Variants in SEMA5A observed in about 807,000 individuals in gnomAD.
SEMA5A encodes semaphorin-5A.
A neutral mutation model predicts 135.5 loss-of-function variants in SEMA5A; 55 were observed. That is an observed-to-expected ratio of 0.41 (90% CI 0.33 to 0.51). SEMA5A has a LOEUF of 0.51. SEMA5A is among the 20% of genes least tolerant of loss of function. SEMA5A has a pLI of 0.37. For synonymous variants in SEMA5A, 580 were observed against 546.5 expected (o/e 1.06, Z -0.85); for missense variants, 1,290 against 1,419.9 (o/e 0.91, Z 1.47).
At chr5:9,466,468 G>T (rs1287911490) in intron 1 of SEMA5A, among the ~76,000 whole-genome samples, 1 of 151,928 alleles carries the variant, frequency 6.6e-6, no homozygotes, top group East Asian at 1.9e-4. Context: ...TGGGAAAGAA[G>T]GGCTATTGAA....
At chr5:9,357,234 A>T (rs1754489286) in intron 3 of SEMA5A, among the ~76,000 whole-genome samples, 1 of 152,208 alleles carries the variant, frequency 6.6e-6, no homozygotes, top group African/African-American at 2.4e-5. Flanking sequence ...ATTTAATGCC[A>T]TACAGAGATT....
chr5:9,497,543 G>A (rs564463580), intron 1 of SEMA5A, among the ~76,000 whole-genome samples: 18 of 152,146 alleles, frequency 1.2e-4, no homozygotes, highest in Non-Finnish European at 1.9e-4. Flanking sequence ...ATACTCTGGC[G>A]CAGGCACTTG....
At chr5:9,362,015 A>G (rs760425194) in intron 3 of SEMA5A, among the ~76,000 whole-genome samples, 7 of 152,176 alleles carry the variant, frequency 4.6e-5, no homozygotes, top group Non-Finnish European at 8.8e-5. Flanking sequence ...ACCTCGTGGG[A>G]ACCTAGAAAG....
chr5:9,245,176 A>G (rs1253176833), intron 5 of SEMA5A, among the ~76,000 whole-genome samples: 1 of 152,198 alleles, frequency 6.6e-6, no homozygotes, highest in African/African-American at 2.4e-5. Context: ...TGAAATCTCA[A>G]GCCACCCTGC....
chr5:9,171,630 AG>A (rs1743927348), intron 11 of SEMA5A, among the ~76,000 whole-genome samples: 1 of 152,188 alleles, frequency 6.6e-6, no homozygotes, highest in African/African-American at 2.4e-5. Context: ...GAGGAATCTC[AG>A]GCCAGTTCTT....
chr5:9,379,718 C>T lies in SEMA5A; in HGVS notation c.124+105G>A, dbSNP rs2126477673. 2.3e-6 allele frequency: 3 copies of T among 1,329,974 alleles called. No individual in the cohort carries two copies. The South Asian group carries it at 4.7e-5, about 21-fold the overall frequency. The allele number at this position is 1,329,974 out of a possible 1,614,324, so 82.4% of individuals were successfully genotyped here. A position where few individuals can be genotyped will look rare whatever the true frequency, so the allele number is the denominator to read the frequency against. ...TTTTAAACTGTGTCTGAAACAAGAG[C>T]CACTGGATTATACAGCATTCGTGAT... On this transcript the variant is annotated intron_variant, in intron 3 of 22. Transcript: ENST00000382496.
At chr5:9,384,430 C>G (rs1050632103) in intron 2 of SEMA5A, among the ~76,000 whole-genome samples, 2 of 152,008 alleles carry the variant, frequency 1.3e-5, no homozygotes, top group African/African-American at 2.4e-5. Flanking sequence ...CGGCCTGTAC[C>G]TACTAGAGCT....
At chr5:9,453,734 T>C (rs1378488934) in intron 1 of SEMA5A, among the ~76,000 whole-genome samples, 1 of 152,178 alleles carries the variant, frequency 6.6e-6, no homozygotes, top group Non-Finnish European at 1.5e-5. Flanking sequence ...GGTTCAGGAT[T>C]TGCTAATTCA....
At chr5:9,322,177 C>T (rs1362784277) in intron 4 of SEMA5A, among the ~76,000 whole-genome samples, 1 of 152,152 alleles carries the variant, frequency 6.6e-6, no homozygotes, top group Non-Finnish European at 1.5e-5. Flanking sequence ...GCAAATATAA[C>T]TCTTCTGATC....
chr5:9,134,238 T>C (rs1258417270), intron 13 of SEMA5A, among the ~76,000 whole-genome samples: 1 of 152,118 alleles, frequency 6.6e-6, no homozygotes, highest in African/African-American at 2.4e-5. Context: ...CTCAAACTCT[T>C]AGGCTCAAGC....
intron 12 of SEMA5A, among the ~76,000 whole-genome samples, chr5:9,150,406 C>T (rs985048019): frequency 3.3e-5 from 5 of 152,136 alleles, no homozygotes; most frequent in Non-Finnish European, 7.4e-5. Context: ...CCAGAGATCA[C>T]CACCAATTCC....
intron 5 of SEMA5A, among the ~76,000 whole-genome samples, chr5:9,278,879 C>A (rs1452689612): frequency 1.3e-5 from 2 of 152,234 alleles, no homozygotes; most frequent in Non-Finnish European, 2.9e-5. Flanking sequence ...ACCTTGATGT[C>A]CAGGCAGAAG....
intron 11 of SEMA5A, among the ~76,000 whole-genome samples, chr5:9,176,658 T>A (rs188788460): frequency 6.6e-5 from 10 of 152,360 alleles, no homozygotes; most frequent in African/African-American, 2.4e-4. Flanking sequence ...AGGTTAGCTG[T>A]CCTGCTCTTG....
At chr5:9,450,820 C>T (rs1349036260) in intron 1 of SEMA5A, among the ~76,000 whole-genome samples, 1 of 151,634 alleles carries the variant, frequency 6.6e-6, no homozygotes, top group African/African-American at 2.4e-5. Context: ...TCAATATGTC[C>T]TTAGCAGCAT....
intron 20 of SEMA5A, among the ~76,000 whole-genome samples, 154 bp downstream of exon 20, chr5:9,051,719 T>C (rs570279965): frequency 1.0e-3 from 157 of 152,352 alleles, no homozygotes; most frequent in African/African-American, 3.6e-3. Flanking sequence ...CAGTTATCTA[T>C]AGACCTACGT....
intron 1 of SEMA5A, among the ~76,000 whole-genome samples, chr5:9,446,698 A>G (rs1333932166): frequency 5.3e-5 from 8 of 152,222 alleles, no homozygotes; most frequent in African/African-American, 1.9e-4. Context: ...CACAGCCAAC[A>G]AGACTTATTC....
chr5:9,513,241 TTAA>T (rs1190214188), intron 1 of SEMA5A, among the ~76,000 whole-genome samples: 1 of 151,894 alleles, frequency 6.6e-6, no homozygotes, highest in Non-Finnish European at 1.5e-5. Context: ...TTTAGGGATG[TTAA>T]TAATTCATTC....
At chr5:9,486,381 T>C (rs1441918866) in intron 1 of SEMA5A, among the ~76,000 whole-genome samples, 7 of 152,186 alleles carry the variant, frequency 4.6e-5, no homozygotes. Flanking sequence ...CCATGGCACA[T>C]GTATACCTAT....
chr5:9,133,973 G>A (rs1741586064), intron 13 of SEMA5A, among the ~76,000 whole-genome samples: 1 of 151,940 alleles, frequency 6.6e-6, no homozygotes, highest in South Asian at 2.1e-4. Flanking sequence ...CTGATAGTGA[G>A]GGAGTTCTCA....
Sources: allele counts gnomAD v4.1 joint callset (sites outside exome capture counted in the v4.1 genomes callset), GRCh38; gene constraint gnomAD v4.1.1; transcripts MANE v1.5; gene names NCBI Gene and HGNC (gene_info 2026-07-23, HGNC 2026-07-21).